Variants in KDM4C observed in about 807,000 individuals in gnomAD.
KDM4C encodes lysine demethylase 4C.
In KDM4C, 81 loss-of-function variants were observed where a neutral mutation model predicts 129.3. That is an observed-to-expected ratio of 0.63 (90% CI 0.52 to 0.75). The LOEUF (loss-of-function observed/expected upper bound fraction) is 0.75. KDM4C is among the 30% of genes least tolerant of loss of function. KDM4C has a pLI of 0.00. For synonymous variants in KDM4C, 573 were observed against 456.1 expected (o/e 1.26, Z -3.26); for missense variants, 1,457 against 1,304.0 (o/e 1.12, Z -1.81).
At chr9:6,853,871 A>T (rs1044280856) in intron 5 of KDM4C, among the ~76,000 whole-genome samples, 5 of 152,186 alleles carry the variant, frequency 3.3e-5, no homozygotes, top group African/African-American at 7.2e-5. Flanking sequence ...TCCTTTCATC[A>T]TGAGTTTCTT....
chr9:7,135,805 T>G (rs1841144145), intron 19 of KDM4C, among the ~76,000 whole-genome samples: 1 of 152,196 alleles, frequency 6.6e-6, no homozygotes, highest in Non-Finnish European at 1.5e-5. Context: ...TGTCTACACT[T>G]TGAGGTGCTC....
chr9:7,025,831 T>C (rs1475334681), intron 15 of KDM4C, among the ~76,000 whole-genome samples: 1 of 152,246 alleles, frequency 6.6e-6, no homozygotes, highest in Non-Finnish European at 1.5e-5. Context: ...CTGCATTTTT[T>C]TGTGTACTTA....
chr9:6,915,985 G>GA (rs1820242502), intron 8 of KDM4C, among the ~76,000 whole-genome samples: 2 of 152,268 alleles, frequency 1.3e-5, no homozygotes, highest in South Asian at 4.1e-4. Flanking sequence ...GTTATAGGAT[G>GA]GGGGGAATTT....
intron 8 of KDM4C, among the ~76,000 whole-genome samples, chr9:6,940,633 A>G (rs1825774704): frequency 6.6e-6 from 1 of 152,240 alleles, no homozygotes; most frequent in African/African-American, 2.4e-5. Flanking sequence ...AAAGTGGGAA[A>G]AAAAACGTAG....
chr9:6,987,843 T>C (rs1365249370), intron 11 of KDM4C, among the ~76,000 whole-genome samples: 1 of 152,014 alleles, frequency 6.6e-6, no homozygotes, highest in African/African-American at 2.4e-5. Context: ...GAAAATAGCA[T>C]TCACATACTA....
intron 8 of KDM4C, among the ~76,000 whole-genome samples, chr9:6,972,118 A>G (rs1316836588): frequency 6.6e-6 from 1 of 152,132 alleles, no homozygotes; most frequent in Non-Finnish European, 1.5e-5. Context: ...ACGAAATAAA[A>G]CACCTTTGGT....
intron 8 of KDM4C, among the ~76,000 whole-genome samples, chr9:6,902,384 G>T (rs573648617): frequency 6.6e-6 from 1 of 152,280 alleles, no homozygotes; most frequent in East Asian, 1.9e-4. Context: ...GAAGAGCTTA[G>T]TAAATGTCCT....
At chr9:7,159,112 T>G (rs1035889010) in intron 19 of KDM4C, among the ~76,000 whole-genome samples, 2 of 152,176 alleles carry the variant, frequency 1.3e-5, no homozygotes, top group African/African-American at 4.8e-5. Context: ...CTTTGTCTCT[T>G]TTGATTTTGT....
intron 15 of KDM4C, among the ~76,000 whole-genome samples, chr9:7,027,525 G>C (rs1814172270): frequency 6.6e-6 from 1 of 152,204 alleles, no homozygotes; most frequent in South Asian, 2.1e-4. Context: ...GACTGTGCTG[G>C]TTCAGAACTG....
chr9:6,753,582 A>T (rs964343002), upstream of KDM4C, among the ~76,000 whole-genome samples: 2 of 152,032 alleles, frequency 1.3e-5, no homozygotes, highest in Non-Finnish European at 2.9e-5. Context: ...CAGACTGGGT[A>T]ATTTATAATG....
At chr9:7,122,265 A>ACACACT (rs375655422) in intron 18 of KDM4C, among the ~76,000 whole-genome samples, 2,253 of 144,732 alleles carry the variant, frequency 0.016, 30 homozygotes, top group African/African-American at 0.035. Context: ...ACACACACAC[A>ACACACT]CTCTCTCTCT....
chr9:7,008,196 G>T (rs1483071906), intron 12 of KDM4C, among the ~76,000 whole-genome samples: 1 of 152,170 alleles, frequency 6.6e-6, no homozygotes, highest in Non-Finnish European at 1.5e-5. Flanking sequence ...TTTTGCCTCA[G>T]ATCCCAATCT....
At chr9:7,087,908 A>C (rs1835325784) in intron 17 of KDM4C, among the ~76,000 whole-genome samples, 1 of 152,218 alleles carries the variant, frequency 6.6e-6, no homozygotes, top group African/African-American at 2.4e-5. Flanking sequence ...GTTTTTCAAA[A>C]TTCTATCTAC....
chr9:6,761,072 C>T (rs552873252), intron 1 of KDM4C, among the ~76,000 whole-genome samples: 17 of 149,300 alleles, frequency 1.1e-4, no homozygotes, highest in Non-Finnish European at 3.0e-5. Flanking sequence ...GCCAATGGCG[C>T]GATCTCGGCT....
intron 1 of KDM4C, among the ~76,000 whole-genome samples, chr9:6,764,677 C>A (rs1820262097): frequency 6.6e-6 from 1 of 152,178 alleles, no homozygotes; most frequent in Admixed American, 6.5e-5. Context: ...ACTGCTACTG[C>A]ATAAAGCCTC....
At chr9:6,995,872 T>A (rs10117103) in intron 12 of KDM4C, among the ~76,000 whole-genome samples, 1 of 146,296 alleles carries the variant, frequency 6.8e-6, no homozygotes, top group Non-Finnish European at 1.5e-5. Flanking sequence ...GGGGTTTCAC[T>A]GTGTTAGCCA....
intron 1 of KDM4C, among the ~76,000 whole-genome samples, chr9:6,751,847 A>T (rs1818071094): frequency 6.6e-6 from 1 of 152,206 alleles, no homozygotes; most frequent in South Asian, 2.1e-4. Flanking sequence ...AATCAGAGCA[A>T]TTAGGTAGGG....
chr9:6,860,883 ATTAAC>A (rs1298060542), intron 5 of KDM4C, among the ~76,000 whole-genome samples: 4 of 152,196 alleles, frequency 2.6e-5, no homozygotes, highest in African/African-American at 9.6e-5. Context: ...ATGAAGGTTG[ATTAAC>A]TTACCCCAAC....
chr9:6,807,490 C>T lies in KDM4C; in HGVS notation c.320+1716C>T, dbSNP rs866114345. ...CTAGGAAGTGAGGAGCGTCTCTGCC[C>T]GGCCGCCCATCGTCTGAGATGTGGG... On this transcript the variant is annotated intron_variant, in intron 3 of 21. Coordinates refer to ENST00000381309, the MANE Select transcript of KDM4C (RefSeq NM_015061.6). Among the ~76,000 whole-genome samples the T allele has an allele frequency of 4.1e-3, 593 of 146,002 alleles. 5 individuals carry two copies. Among genetic ancestry groups the T allele is most frequent in the Non-Finnish European group, 5.4e-3 (356 of 65,970 alleles).
Sources: gnomAD v4.1 joint callset for allele counts (sites outside exome capture counted in the v4.1 genomes callset) on GRCh38, gnomAD v4.1.1 for gene constraint, MANE v1.5 for transcripts, NCBI Gene and HGNC (gene_info 2026-07-23, HGNC 2026-07-21) for gene names.